The following MYT1L variants were observed in gnomAD, a reference collection of about 807,000 sequenced individuals.
MYT1L encodes myelin transcription factor 1-like protein.
A neutral mutation model predicts 126.7 loss-of-function variants in MYT1L; 12 were observed. The observed-to-expected ratio is 0.09, with a 90% CI of 0.06 to 0.15. The LOEUF is 0.15. MYT1L is among the 10% of genes least tolerant of loss of function. The pLI is 1.00. For missense variants in MYT1L, 979 were observed against 1,585.2 expected (o/e 0.62, Z 6.49); for synonymous variants, 541 against 604.2 (o/e 0.90, Z 1.53).
At chr2:2,075,654 TA>T (rs2075137291) in intron 3 of MYT1L, among the ~76,000 whole-genome samples, 1 of 152,228 alleles carries the variant, frequency 6.6e-6, no homozygotes, top group Admixed American at 6.5e-5. Context: ...TTCAACTACA[TA>T]TGGTTCAAAG....
intron 3 of MYT1L, among the ~76,000 whole-genome samples, chr2:2,170,902 G>A (rs2089955688): frequency 6.6e-6 from 1 of 152,212 alleles, no homozygotes. Flanking sequence ...GACTGATGAG[G>A]ACTGAATGAA....
At chr2:2,284,240 A>G (rs920050448) in intron 2 of MYT1L, among the ~76,000 whole-genome samples, 164 bp downstream of exon 2, 1 of 152,212 alleles carries the variant, frequency 6.6e-6, no homozygotes, top group African/African-American at 2.4e-5. Flanking sequence ...GACAAGGCAT[A>G]CAACTGAAGC....
intron 1 of MYT1L, among the ~76,000 whole-genome samples, chr2:2,329,375 A>T (rs1220224246): frequency 6.6e-6 from 1 of 152,146 alleles, no homozygotes; most frequent in East Asian, 1.9e-4. Flanking sequence ...GATAATTTTG[A>T]TTCACGAATC....
intron 2 of MYT1L, among the ~76,000 whole-genome samples, chr2:2,274,553 G>A (rs934890246): frequency 6.6e-6 from 1 of 152,146 alleles, no homozygotes; most frequent in South Asian, 2.1e-4. Flanking sequence ...GGAAGATTTT[G>A]TTTCAGGAGA....
intron 23 of MYT1L, among the ~76,000 whole-genome samples, chr2:1,795,196 C>A (rs989514581): frequency 6.6e-6 from 1 of 152,244 alleles, no homozygotes; most frequent in Non-Finnish European, 1.5e-5. Context: ...AAACTGTGGG[C>A]TCTTTTTCTG....
intron 3 of MYT1L, among the ~76,000 whole-genome samples, chr2:2,115,211 A>G (rs1032615935): frequency 3.3e-5 from 5 of 152,238 alleles, no homozygotes; most frequent in African/African-American, 1.2e-4. Context: ...TTTGTAAAAT[A>G]CAGTAAAGTG....
At chr2:2,043,554 A>C (rs1221314736) in intron 4 of MYT1L, among the ~76,000 whole-genome samples, 1 of 152,016 alleles carries the variant, frequency 6.6e-6, no homozygotes, top group African/African-American at 2.4e-5. Context: ...TTCCCCTTCC[A>C]TTCTTTCCTG....
intron 1 of MYT1L, among the ~76,000 whole-genome samples, chr2:2,309,748 A>G (rs1484852566): frequency 6.6e-6 from 1 of 151,100 alleles, no homozygotes; most frequent in Non-Finnish European, 1.5e-5. Context: ...TCTACATACA[A>G]CTTCAGTATG....
At chr2:2,157,165 T>C (rs2086868959) in intron 3 of MYT1L, among the ~76,000 whole-genome samples, 1 of 152,224 alleles carries the variant, frequency 6.6e-6, no homozygotes, top group Non-Finnish European at 1.5e-5. Context: ...GTGAACCTAC[T>C]GTCTAAAATT....
intron 4 of MYT1L, among the ~76,000 whole-genome samples, chr2:2,046,755 T>C (rs1048252132): frequency 6.6e-6 from 1 of 152,230 alleles, no homozygotes; most frequent in Non-Finnish European, 1.5e-5. Flanking sequence ...ATTTGTACAC[T>C]AAATATCTAG....
intron 3 of MYT1L, among the ~76,000 whole-genome samples, chr2:2,133,440 A>AT (rs2082640898): frequency 1.3e-5 from 2 of 152,176 alleles, no homozygotes; most frequent in African/African-American, 4.8e-5. Flanking sequence ...TTATGTTGTT[A>AT]TTTTTAAGTT....
rs1573655202 is a variant in MYT1L, at chr2:1,928,702, T to C, written c.506-5439A>G. On this transcript the variant is annotated intron_variant, in intron 9 of 24. Transcript: ENST00000647738. Reference sequence around the variant, plus strand: ...TTCTCCTTTCAATACTCTGCATTGATTTATGGACTGAAGGCTTGGTTGTAT... The same window carrying C: ...TTCTCCTTTCAATACTCTGCATTGACTTATGGACTGAAGGCTTGGTTGTAT... 2.6e-5 allele frequency among the ~76,000 whole-genome samples: 4 copies of C among 152,284 alleles called. 1 individual carries two copies. Among genetic ancestry groups the C allele is most frequent in the Admixed American group, 2.6e-4 (4 of 15,302 alleles).
At chr2:1,866,770 A>G (rs1245002761) in intron 18 of MYT1L, among the ~76,000 whole-genome samples, 2 of 58,102 alleles carry the variant, frequency 3.4e-5, no homozygotes, top group Non-Finnish European at 3.2e-5. Context: ...GGAGAGAGGC[A>G]GAGAGAGAGA....
At chr2:2,262,931 T>TATATATATATATATATATATATATATATA in intron 2 of MYT1L, among the ~76,000 whole-genome samples, 1 of 43,660 alleles carries the variant, frequency 2.3e-5, no homozygotes, top group Admixed American at 2.2e-4. Context: ...TATATATATA[T>TATATATATATATATATATATATATATATA]AACCTGTGAT....
chr2:2,275,015 T>C (rs2095330813), intron 2 of MYT1L, among the ~76,000 whole-genome samples: 1 of 152,050 alleles, frequency 6.6e-6, no homozygotes, highest in African/African-American at 2.4e-5. Flanking sequence ...AGGGCAGTGT[T>C]GCACCCAGAG....
chr2:2,082,436 G>A (rs891389331), intron 3 of MYT1L, among the ~76,000 whole-genome samples: 1 of 152,208 alleles, frequency 6.6e-6, no homozygotes, highest in African/African-American at 2.4e-5. Context: ...AGCAAGTGAT[G>A]CTGTTGTAGG....
At chr2:2,118,284 T>C (rs997038251) in intron 3 of MYT1L, among the ~76,000 whole-genome samples, 2 of 152,070 alleles carry the variant, frequency 1.3e-5, no homozygotes, top group Admixed American at 6.6e-5. Context: ...ATATGAAGAA[T>C]TGCTTAAAAT....
At chr2:1,957,346 G>A (rs966684555) in intron 8 of MYT1L, among the ~76,000 whole-genome samples, 1 of 152,066 alleles carries the variant, frequency 6.6e-6, no homozygotes, top group Admixed American at 6.5e-5. Context: ...GCTGATTTCT[G>A]GGATTTTAGT....
At chr2:2,109,906 T>C (rs939543864) in intron 3 of MYT1L, among the ~76,000 whole-genome samples, 1 of 123,338 alleles carries the variant, frequency 8.1e-6, no homozygotes, top group Non-Finnish European at 1.8e-5. Flanking sequence ...TATATATATA[T>C]ATATATATAT....
Sources: gnomAD v4.1 joint callset for allele counts (sites outside exome capture counted in the v4.1 genomes callset) on GRCh38, gnomAD v4.1.1 for gene constraint, MANE v1.5 for transcripts, NCBI Gene and HGNC (gene_info 2026-07-23, HGNC 2026-07-21) for gene names.